Variants in SPIDR observed in about 807,000 individuals in gnomAD.
SPIDR encodes DNA repair-scaffolding protein.
Under a neutral mutation model 104.6 loss-of-function variants are expected in SPIDR, and 93 were observed. The observed-to-expected ratio is 0.89, with a 90% CI of 0.75 to 1.06. The LOEUF (loss-of-function observed/expected upper bound fraction) is 1.06. Among genes scored for constraint, SPIDR ranks in the 50% least tolerant of loss-of-function variants. SPIDR has a pLI of 0.00. For synonymous variants in SPIDR, 431 were observed against 416.9 expected, an observed-to-expected ratio of 1.03 and a Z score of -0.41; for missense variants, 1,154 against 1,111.2, an observed-to-expected ratio of 1.04 and a Z score of -0.55.
At chr8:47,392,676 A>T (rs2060740717) in intron 5 of SPIDR, among the ~76,000 whole-genome samples, 1 of 152,222 alleles carries the variant, frequency 6.6e-6, no homozygotes. Flanking sequence ...GAGGAAATTC[A>T]TTTGGACTTC....
intron 5 of SPIDR, among the ~76,000 whole-genome samples, chr8:47,346,213 T>G (rs534667173): frequency 6.3e-4 from 96 of 152,304 alleles, no homozygotes; most frequent in African/African-American, 2.1e-3. Context: ...CTGCATCTAT[T>G]GAGATAATCA....
chr8:47,712,686 C>T lies in SPIDR; in HGVS notation c.2002C>T (p.Gln668Ter), dbSNP rs778343717. The T allele has an allele frequency of 8.1e-6, 13 of 1,613,962 alleles. No homozygotes were observed. The highest frequency in any genetic ancestry group is 4.0e-5 in the African/African-American group (3 of 74,894). ...GCTGAAGAGTCTGCTGCTTCTGGAG[C>T]AAAGGGAGATCTGGCTGCTAGTGAC... ...PQLKSLLLLE[Q>*]REIWLLVTDV... The change falls in exon 15 of 20, where the codon CAA becomes TAA. Residue 668 changes from glutamine (Q) to a stop codon, truncating the protein, a stop_gained. Coordinates refer to ENST00000297423, the MANE Select transcript of SPIDR (RefSeq NM_001080394.4). LOFTEE classifies it high-confidence loss of function.
intron 5 of SPIDR, among the ~76,000 whole-genome samples, chr8:47,344,868 GC>G (rs1268250152): frequency 6.6e-6 from 1 of 152,128 alleles, no homozygotes; most frequent in Non-Finnish European, 1.5e-5. Flanking sequence ...CTGGATATTA[GC>G]CCTTTTTCAG....
Position 47,466,887 on chromosome 8 carries a change from GAA to G in SPIDR, c.1097+26358_1097+26359del, listed in dbSNP as rs148299700. On this transcript the variant is annotated intron_variant, in intron 8 of 19. Coordinates refer to ENST00000297423, the MANE Select transcript of SPIDR (RefSeq NM_001080394.4). ...AAAGATCTAGGAGTTAGTTTTTTTTGAAAAAAAAAAAAAATATATATATATAT... is the reference window on the plus strand; with the variant it reads ...AAAGATCTAGGAGTTAGTTTTTTTTGAAAAAAAAAAAATATATATATATAT... Among the ~76,000 whole-genome samples the G allele has an allele frequency of 6.5e-3, 317 of 48,916 alleles. 1 individual carries two copies. The highest frequency in any genetic ancestry group is 0.026 in the Middle Eastern group (2 of 78). The allele number at this position is 48,916 out of a possible 152,430, so 32.1% of individuals were successfully genotyped here.
chr8:47,420,840 A>AT (rs1232054523), intron 7 of SPIDR, among the ~76,000 whole-genome samples: 1 of 151,452 alleles, frequency 6.6e-6, no homozygotes, highest in Non-Finnish European at 1.5e-5. Context: ...CATTTGTTTG[A>AT]AACAATTTTA....
At chr8:47,611,085 G>A (rs1588364916) in intron 10 of SPIDR, among the ~76,000 whole-genome samples, 1 of 152,348 alleles carries the variant, frequency 6.6e-6, no homozygotes, top group East Asian at 1.9e-4. Context: ...GGCTGATTGA[G>A]CAGCTGAGAA....
chr8:47,526,916 T>G (rs1432157650), intron 8 of SPIDR, among the ~76,000 whole-genome samples: 1 of 152,016 alleles, frequency 6.6e-6, no homozygotes, highest in East Asian at 1.9e-4. Context: ...AATCACAGCT[T>G]CCCAGAGCAA....
intron 5 of SPIDR, among the ~76,000 whole-genome samples, chr8:47,349,348 CAG>C (rs1487784456): frequency 6.6e-6 from 1 of 152,180 alleles, no homozygotes. Context: ...AGCTTCGTCT[CAG>C]AGGGGCACCC....
At chr8:47,305,567 G>A (rs2042958348) in intron 5 of SPIDR, among the ~76,000 whole-genome samples, 1 of 152,148 alleles carries the variant, frequency 6.6e-6, no homozygotes, top group African/African-American at 2.4e-5. Context: ...TGTACTACAT[G>A]GGAGTGTATT....
chr8:47,295,116 C>T (rs1387224565), intron 5 of SPIDR, among the ~76,000 whole-genome samples: 7 of 152,090 alleles, frequency 4.6e-5, no homozygotes, highest in Admixed American at 6.6e-5. Context: ...TCATCTCTGA[C>T]ATTGTATTTT....
intron 4 of SPIDR, among the ~76,000 whole-genome samples, chr8:47,292,111 G>A (rs2040016211): frequency 6.6e-6 from 1 of 152,102 alleles, no homozygotes. Context: ...GATAACCACA[G>A]ATGTTGAATT....
chr8:47,529,252 A>G (rs1401683739), intron 8 of SPIDR, among the ~76,000 whole-genome samples: 1 of 152,018 alleles, frequency 6.6e-6, no homozygotes, highest in Non-Finnish European at 1.5e-5. Flanking sequence ...CCCCATCTCT[A>G]CTAAAAATAC....
chr8:47,446,212 T>A (rs142468607), intron 8 of SPIDR, among the ~76,000 whole-genome samples: 1 of 152,206 alleles, frequency 6.6e-6, no homozygotes, highest in Non-Finnish European at 1.5e-5. Flanking sequence ...ATACAGCTGG[T>A]GACTTTAAAT....
rs1306419087 is a variant in SPIDR, at chr8:47,562,067, TCTTTTATGCTTC to T, written c.1098-33739_1098-33728del. Among the ~76,000 whole-genome samples the T allele has an allele frequency of 1.9e-4, 29 of 152,370 alleles. 1 individual carries two copies. Among genetic ancestry groups the T allele is most frequent in the African/African-American group, 6.5e-4 (27 of 41,594 alleles). On this transcript the variant is annotated intron_variant, in intron 8 of 19. Coordinates refer to ENST00000297423, the MANE Select transcript of SPIDR (RefSeq NM_001080394.4). ...CAGAAAAAGATTTGTTTCTCTTGTC[TCTTTTATGCTTC>T]CTTTATATGTATCTTAGAGTGATCA...
At chr8:47,507,448 C>T (rs1487145895) in intron 8 of SPIDR, among the ~76,000 whole-genome samples, 1 of 152,238 alleles carries the variant, frequency 6.6e-6, no homozygotes, top group Non-Finnish European at 1.5e-5. Context: ...AAAGCTGTAA[C>T]AGCCGATTTC....
chr8:47,396,713 T>G, intron 6 of SPIDR, 87 bp downstream of exon 6: 1 of 1,350,302 alleles, frequency 7.4e-7, no homozygotes, highest in Non-Finnish European at 1.0e-6. Flanking sequence ...TTTAAGATAC[T>G]TGTATATGAA....
intron 10 of SPIDR, 125 bp downstream of exon 10, chr8:47,599,321 G>A: frequency 1.5e-6 from 2 of 1,313,496 alleles, no homozygotes; most frequent in Non-Finnish European, 2.0e-6. Context: ...AGCTGTTTTT[G>A]TTTTTCCTTG....
chr8:47,474,607 G>A (rs1586329256), intron 8 of SPIDR, among the ~76,000 whole-genome samples: 1 of 152,166 alleles, frequency 6.6e-6, no homozygotes, highest in Non-Finnish European at 1.5e-5. Context: ...AATCAGTAAT[G>A]TGAAAATGGA....
At chr8:47,326,078 C>A (rs2047613727) in intron 5 of SPIDR, among the ~76,000 whole-genome samples, 1 of 152,176 alleles carries the variant, frequency 6.6e-6, no homozygotes, top group African/African-American at 2.4e-5. Flanking sequence ...ACTGCAGCCT[C>A]CACCTCCCCA....
Sources: gnomAD v4.1 joint callset for allele counts (sites outside exome capture counted in the v4.1 genomes callset) on GRCh38, gnomAD v4.1.1 for gene constraint, MANE v1.5 for transcripts, NCBI Gene and HGNC (gene_info 2026-07-23, HGNC 2026-07-21) for gene names.